Variants in UBE2W observed in about 807,000 individuals in gnomAD.
UBE2W encodes the protein ubiquitin-conjugating enzyme E2 W.
UBE2W carries 18 observed loss-of-function variants against 27.2 expected under a neutral mutation model. The ratio of observed to expected loss-of-function variants is 0.66; its 90% confidence interval spans 0.46 to 0.98. The LOEUF is 0.98. Ranked by LOEUF, UBE2W falls within the 50% of genes least tolerant of loss-of-function variation. The probability of loss-of-function intolerance (pLI) is 0.00; values close to 1 mark genes in which losing one functional copy is unlikely to be tolerated. For missense variants in UBE2W, 90 were observed against 180.2 expected, an observed-to-expected ratio of 0.50 and a Z score of 2.87; for synonymous variants, 53 against 57.2, an observed-to-expected ratio of 0.93 and a Z score of 0.33.
At chr8:73,827,791 C>T (rs1412535258) in intron 2 of UBE2W, among the ~76,000 whole-genome samples, 1 of 151,850 alleles carries the variant, frequency 6.6e-6, no homozygotes, top group East Asian at 1.9e-4. Context: ...CCTCCTGCCC[C>T]GCCTCAGCCT....
chr8:73,784,967 A>C (rs564722414), downstream of UBE2W, among the ~76,000 whole-genome samples: 3 of 152,210 alleles, frequency 2.0e-5, no homozygotes, highest in African/African-American at 7.2e-5. Context: ...AAATAACTTC[A>C]ATCTTACCCT....
intron 1 of UBE2W, among the ~76,000 whole-genome samples, chr8:73,861,071 G>A (rs1453845282): frequency 6.6e-6 from 1 of 152,140 alleles, no homozygotes; most frequent in Non-Finnish European, 1.5e-5. Flanking sequence ...TTAAGGTACA[G>A]TTGTATCACT....
chr8:73,795,045 C>G (rs184608564), intron 5 of UBE2W, among the ~76,000 whole-genome samples: 25 of 152,110 alleles, frequency 1.6e-4, no homozygotes, highest in Non-Finnish European at 3.1e-4. Flanking sequence ...CAAAACATAT[C>G]TGAAAGATTT....
Position 73,790,616 on chromosome 8 carries a change from G to A in UBE2W, c.*3486C>T. On this transcript the variant is annotated 3_prime_UTR_variant, in exon 6 of 6. Transcript: ENST00000602593. ...GTAACCATAAAGGCTTAGAACTAGTGACACTGAATTCTTTATTTAAAAAAA... is the reference window on the plus strand; with the variant it reads ...GTAACCATAAAGGCTTAGAACTAGTAACACTGAATTCTTTATTTAAAAAAA... 2 of 985,032 alleles carry A rather than the reference G, an allele frequency of 2.0e-6. No individual in the cohort carries two copies. Among genetic ancestry groups the A allele is most frequent in the South Asian group, 4.7e-5 (1 of 21,282 alleles). 61.0% of individuals were successfully genotyped at this position (985,032 alleles called of 1,614,324 possible).
In UBE2W at chr8:73,810,608, T is replaced by C. The variant is rs769145513; in HGVS notation, c.232A>G (p.Ile78Val). The C allele has an allele frequency of 1.9e-6, 3 of 1,602,696 alleles. No homozygotes were observed. The highest frequency in any genetic ancestry group is 2.6e-6 in the Non-Finnish European group (3 of 1,175,732). ...CTATAAACATGAGGATGAACAGGAA[T>C]ATTTTCACCAGTAAACATGACCTAA... ...SPQVMFTGEN[I>V]PVHPHVYSNG... The change falls in exon 4 of 6, where the codon ATT becomes GTT. Residue 78 changes from isoleucine (I) to valine (V), a missense_variant. Coordinates refer to ENST00000602593, the MANE Select transcript of UBE2W (RefSeq NM_018299.6).
intron 1 of UBE2W, among the ~76,000 whole-genome samples, chr8:73,844,324 C>G (rs1307478673): frequency 6.6e-6 from 1 of 152,180 alleles, no homozygotes. Context: ...GTTTTCGTAT[C>G]TTTTGGTGGA....
chr8:73,817,172 A>G (rs1156449347), intron 3 of UBE2W, among the ~76,000 whole-genome samples: 4 of 151,150 alleles, frequency 2.6e-5, no homozygotes, highest in Non-Finnish European at 5.9e-5. Flanking sequence ...TAAAGATACA[A>G]AAAAAATTAG....
Position 73,787,727 on chromosome 8 carries a change from T to C in UBE2W, c.*6375A>G, listed in dbSNP as rs1213750483. ...CTTCAAGAGTCACTCATTTAAGTCA[T>C]TAGTTGATCTGTTTGTATACTCCAG... On this transcript the variant is annotated 3_prime_UTR_variant, in exon 6 of 6. Coordinates refer to ENST00000602593, the MANE Select transcript of UBE2W (RefSeq NM_018299.6). The C allele has an allele frequency of 1.0e-6, 1 of 985,314 alleles. No homozygotes were observed. Among genetic ancestry groups the C allele is most frequent in the Non-Finnish European group, 1.2e-6 (1 of 829,938 alleles). The allele number at this position is 985,314 out of a possible 1,614,324, so 61.0% of individuals were successfully genotyped here. A position where few individuals can be genotyped will look rare whatever the true frequency, so the allele number is the denominator to read the frequency against.
chr8:73,797,991 T>G (rs1395886480), intron 5 of UBE2W, among the ~76,000 whole-genome samples: 1 of 152,172 alleles, frequency 6.6e-6, no homozygotes, highest in Admixed American at 6.5e-5. Flanking sequence ...AAAAAATTAT[T>G]TAAAATGCTG....
At chr8:73,841,244 C>T (rs1047403036) in intron 1 of UBE2W, among the ~76,000 whole-genome samples, 1 of 152,088 alleles carries the variant, frequency 6.6e-6, no homozygotes, top group African/African-American at 2.4e-5. Flanking sequence ...TAACAGTGGC[C>T]ACTTCTCCTT....
At chr8:73,873,068 G>A (rs895210553) in intron 1 of UBE2W, among the ~76,000 whole-genome samples, 4 of 151,820 alleles carry the variant, frequency 2.6e-5, no homozygotes, top group Admixed American at 2.0e-4. Context: ...ACCACGCCTG[G>A]CTAATTTTTT....
chr8:73,849,417 C>G (rs1409977286), intron 1 of UBE2W, among the ~76,000 whole-genome samples: 1 of 138,762 alleles, frequency 7.2e-6, no homozygotes, highest in Non-Finnish European at 1.5e-5. Context: ...GAGGCTGAGA[C>G]AGGATAATAG....
At position 73,794,714 on chromosome 8, in the gene UBE2W, C is replaced by A. The variant is rs373110214; in HGVS notation, c.443-599G>T. On this transcript the variant is annotated intron_variant, in intron 5 of 5. Transcript: ENST00000602593. ...GTCAGGTGTTTTGAGACCAGCCTGG[C>A]CAACATGGTGAAACCCTCCCTCTAC... 1.7e-4 allele frequency among the ~76,000 whole-genome samples: 26 copies of A among 151,960 alleles called. No individual in the cohort carries two copies. In the South Asian group the frequency reaches 5.4e-3, roughly 32 times the overall value.
intron 1 of UBE2W, among the ~76,000 whole-genome samples, chr8:73,875,270 T>C (rs1812174093): frequency 6.6e-6 from 1 of 152,180 alleles, no homozygotes; most frequent in Non-Finnish European, 1.5e-5. Context: ...GCCAGAATAT[T>C]GATCTCCCAT....
At chr8:73,855,905 C>A (rs952127279) in intron 1 of UBE2W, among the ~76,000 whole-genome samples, 1 of 151,822 alleles carries the variant, frequency 6.6e-6, no homozygotes, top group Non-Finnish European at 1.5e-5. Context: ...TACTCATTTT[C>A]ACAAGTTAAA....
Position 73,789,867 on chromosome 8 carries a change from T to A in UBE2W, c.*4235A>T. ...TAAATAAATAAATAAATAATAAAAA[T>A]AATCATTCCACATCTCAAAATGACT... is the stretch of plus-strand genomic sequence containing the variant. On this transcript the variant is annotated 3_prime_UTR_variant, in exon 6 of 6. Coordinates refer to ENST00000602593, the MANE Select transcript of UBE2W (RefSeq NM_018299.6). The A allele has an allele frequency of 1.1e-6, 1 of 906,250 alleles. No homozygotes were observed. Among genetic ancestry groups the A allele is most frequent in the African/African-American group, 1.8e-5 (1 of 55,604 alleles). The allele number at this position is 906,250 out of a possible 1,614,324, so 56.1% of individuals were successfully genotyped here.
chr8:73,805,467 A>AAAC (rs1808849138), intron 5 of UBE2W, among the ~76,000 whole-genome samples, 184 bp downstream of exon 5: 1 of 134,506 alleles, frequency 7.4e-6, no homozygotes, highest in Non-Finnish European at 1.6e-5. Context: ...AAAAAAAAAA[A>AAAC]AAAACAAAAA....
chr8:73,865,180 CAAAAAAA>C (rs11354153), intron 1 of UBE2W, among the ~76,000 whole-genome samples: 3 of 32,856 alleles, frequency 9.1e-5, no homozygotes, highest in African/African-American at 1.7e-4. Context: ...GTGCAAACGT[CAAAAAAA>C]AAAAAAAAAA....
chr8:73,786,304 C>T lies in UBE2W; in HGVS notation c.*7798G>A, dbSNP rs1424250399. The T allele has an allele frequency of 3.0e-6, 3 of 985,310 alleles. No individual in the cohort carries two copies. The highest frequency in any genetic ancestry group is 3.6e-6 in the Non-Finnish European group (3 of 829,942). The allele number at this position is 985,310 out of a possible 1,614,324, so 61.0% of individuals were successfully genotyped here. On this transcript the variant is annotated 3_prime_UTR_variant, in exon 6 of 6. Coordinates refer to ENST00000602593, the MANE Select transcript of UBE2W (RefSeq NM_018299.6). ...GCAGGGTCCTGTTATACATTTTACT[C>T]AGGTGGTGGTTCTGGATATATGTTT...
Sources: allele counts gnomAD v4.1 joint callset (sites outside exome capture counted in the v4.1 genomes callset), GRCh38; gene constraint gnomAD v4.1.1; transcripts MANE v1.5; gene names NCBI Gene and HGNC (gene_info 2026-07-23, HGNC 2026-07-21).